EXT1: variants seen among roughly 807,000 people sequenced by gnomAD.
EXT1 encodes the protein exostosin glycosyltransferase 1.
In EXT1, 20 loss-of-function variants were observed where a neutral mutation model predicts 82.5. The observed-to-expected ratio is 0.24, with a 90% CI of 0.17 to 0.35. The LOEUF (loss-of-function observed/expected upper bound fraction) is 0.35. Among genes scored for constraint, EXT1 ranks in the 10% least tolerant of loss-of-function variants. EXT1 has a pLI of 1.00. For synonymous variants in EXT1, 348 were observed against 350.8 expected (o/e 0.99, Z 0.09); for missense variants, 757 against 936.5 (o/e 0.81, Z 2.50).
At chr8:117,869,217 G>A (rs1292323717) in intron 1 of EXT1, among the ~76,000 whole-genome samples, 2 of 152,192 alleles carry the variant, frequency 1.3e-5, no homozygotes, top group African/African-American at 4.8e-5. Context: ...TATCCACCAT[G>A]AGGAAGAATT....
chr8:117,942,010 G>T (rs1050588067), intron 1 of EXT1, among the ~76,000 whole-genome samples: 2 of 152,154 alleles, frequency 1.3e-5, no homozygotes, highest in African/African-American at 4.8e-5. Context: ...AAAGTAAGTT[G>T]TTCAAGGAGT....
chr8:117,961,748 A>G (rs1814704108), intron 1 of EXT1, among the ~76,000 whole-genome samples: 2 of 152,250 alleles, frequency 1.3e-5, no homozygotes, highest in African/African-American at 4.8e-5. Flanking sequence ...GAGAACATTC[A>G]AGAGAAACTT....
At chr8:117,940,629 C>G (rs1814252735) in intron 1 of EXT1, among the ~76,000 whole-genome samples, 1 of 152,138 alleles carries the variant, frequency 6.6e-6, no homozygotes, top group Non-Finnish European at 1.5e-5. Flanking sequence ...AGCCAATCCA[C>G]AGTGATACAA....
intron 1 of EXT1, among the ~76,000 whole-genome samples, chr8:118,064,499 T>C (rs1816941215): frequency 6.6e-6 from 1 of 152,210 alleles, no homozygotes; most frequent in African/African-American, 2.4e-5. Flanking sequence ...CCCTGCAAAG[T>C]ACATGAACTC....
At chr8:118,030,070 T>G (rs1816279414) in intron 1 of EXT1, among the ~76,000 whole-genome samples, 1 of 152,186 alleles carries the variant, frequency 6.6e-6, no homozygotes, top group African/African-American at 2.4e-5. Context: ...GTTGCAAAAG[T>G]ATTTAGCTCT....
intron 1 of EXT1, among the ~76,000 whole-genome samples, chr8:117,876,030 C>T (rs1812963596): frequency 1.3e-5 from 2 of 152,186 alleles, no homozygotes; most frequent in African/African-American, 4.8e-5. Context: ...ATTCTGAGCA[C>T]CTATCCATGC....
At chr8:117,907,780 GGTAA>G (rs1363013832) in intron 1 of EXT1, among the ~76,000 whole-genome samples, 2 of 152,028 alleles carry the variant, frequency 1.3e-5, no homozygotes, top group Admixed American at 1.3e-4. Flanking sequence ...AAAATTAATG[GGTAA>G]GTATTTATCC....
chr8:117,957,290 T>C (rs967350199), intron 1 of EXT1, among the ~76,000 whole-genome samples: 3 of 152,222 alleles, frequency 2.0e-5, no homozygotes, highest in Non-Finnish European at 4.4e-5. Flanking sequence ...AAGCTGAGGA[T>C]TGGTTAAATT....
Position 117,802,005 on chromosome 8 carries a change from T to G in EXT1, c.2056-2108A>C, listed in dbSNP as rs187711423. Among the ~76,000 whole-genome samples the G allele has an allele frequency of 3.1e-3, 465 of 152,348 alleles. 10 individuals carry two copies. The highest frequency in any genetic ancestry group is 5.4e-4 in the Non-Finnish European group (37 of 68,034). On this transcript the variant is annotated intron_variant, in intron 10 of 10. Coordinates refer to ENST00000378204, the MANE Select transcript of EXT1 (RefSeq NM_000127.3). ...TTATTCTGAGTCAACCAACATCTAT[T>G]AGAAAAGATGCCTTTCTTATGTAAT... is the stretch of plus-strand genomic sequence containing the variant.
chr8:117,799,496 C>T lies in EXT1; in HGVS notation c.*216G>A. The T allele has an allele frequency of 1.7e-6, 1 of 591,712 alleles. No individual in the cohort carries two copies. Among genetic ancestry groups the T allele is most frequent in the South Asian group, 2.0e-5 (1 of 49,542 alleles). 36.7% of individuals were successfully genotyped at this position (591,712 alleles called of 1,614,324 possible). A position where few individuals can be genotyped will look rare whatever the true frequency, so the allele number is the denominator to read the frequency against. On this transcript the variant is annotated 3_prime_UTR_variant, in exon 11 of 11. Coordinates refer to ENST00000378204, the MANE Select transcript of EXT1 (RefSeq NM_000127.3). ...CTGTACACAACCTAGTCTTGGGACA[C>T]AGAAGCCAGTGAGGTGAGTTTGGAG...
At position 117,863,154 on chromosome 8, in the gene EXT1, T is replaced by C. The variant is rs1046888861; in HGVS notation, c.963-25953A>G. Among the ~76,000 whole-genome samples the C allele has an allele frequency of 3.4e-5, 5 of 145,878 alleles. No homozygotes were observed. The South Asian group carries it at 8.8e-4, about 26-fold the overall frequency. On this transcript the variant is annotated intron_variant, in intron 1 of 10. Transcript: ENST00000378204. Reference sequence around the variant, plus strand: ...GATGCTATTTTAAACTTTTTACTTATATAACCTTCACTTATTTCTCACAAT... The same window carrying C: ...GATGCTATTTTAAACTTTTTACTTACATAACCTTCACTTATTTCTCACAAT...
intron 1 of EXT1, among the ~76,000 whole-genome samples, chr8:117,949,107 T>C (rs181367979): frequency 8.0e-4 from 122 of 152,314 alleles, no homozygotes; most frequent in African/African-American, 2.9e-3. Context: ...GATAGGTTAA[T>C]GTATCCTTGG....
chr8:117,806,808 A>G (rs1823245320), intron 9 of EXT1, among the ~76,000 whole-genome samples: 1 of 152,240 alleles, frequency 6.6e-6, no homozygotes, highest in Non-Finnish European at 1.5e-5. Flanking sequence ...ATTATTATGT[A>G]GACAGTCTTT....
intron 1 of EXT1, among the ~76,000 whole-genome samples, chr8:118,053,246 C>T (rs1442251420): frequency 1.3e-5 from 2 of 152,124 alleles, no homozygotes; most frequent in South Asian, 2.1e-4. Context: ...GGTTCTAAGC[C>T]CTTTTGTGGT....
intron 1 of EXT1, among the ~76,000 whole-genome samples, chr8:117,919,833 G>C (rs1813822481): frequency 6.6e-6 from 1 of 151,988 alleles, no homozygotes; most frequent in East Asian, 1.9e-4. Flanking sequence ...AATATTCCTG[G>C]TTTAAATTCC....
chr8:117,806,120 T>C lies in EXT1; in HGVS notation c.1883+1097A>G, dbSNP rs866250702. The stretch of plus-strand genomic sequence containing the variant: ...AAAATAATCTGATCACTACTTACCA[T>C]GGCCACCATTCACTTCCTGGTCCCA... On this transcript the variant is annotated intron_variant, in intron 9 of 10. Coordinates refer to ENST00000378204, the MANE Select transcript of EXT1 (RefSeq NM_000127.3). Among the ~76,000 whole-genome samples, 9 of 152,330 alleles carry C rather than the reference T, an allele frequency of 5.9e-5. No individual in the cohort carries two copies. The East Asian group carries it at 7.7e-4, about 13-fold the overall frequency.
Position 117,938,479 on chromosome 8 carries a change from T to A in EXT1, c.963-101278A>T, listed in dbSNP as rs530610145. Among the ~76,000 whole-genome samples the A allele has an allele frequency of 3.3e-5, 5 of 149,918 alleles. No individual in the cohort carries two copies. The East Asian group carries it at 9.7e-4, about 29-fold the overall frequency. ...TCCAACTCAAAAATAATAACAATAA[T>A]AATAATAATAAACAAAATTTAAAAT... On this transcript the variant is annotated intron_variant, in intron 1 of 10. Coordinates refer to ENST00000378204, the MANE Select transcript of EXT1 (RefSeq NM_000127.3).
chr8:118,081,785 CCTACCA>C (rs1817336086), intron 1 of EXT1, among the ~76,000 whole-genome samples: 1 of 152,162 alleles, frequency 6.6e-6, no homozygotes. Context: ...CAGAAGCCCT[CCTACCA>C]CTAATGTATT....
At chr8:117,939,445 T>G in intron 1 of EXT1, among the ~76,000 whole-genome samples, 1 of 151,588 alleles carries the variant, frequency 6.6e-6, no homozygotes, top group Non-Finnish European at 1.5e-5. Flanking sequence ...GGTGCGCGCC[T>G]GTAATCCCAG....
Sources: gnomAD v4.1 joint callset for allele counts (sites outside exome capture counted in the v4.1 genomes callset) on GRCh38, gnomAD v4.1.1 for gene constraint, MANE v1.5 for transcripts, NCBI Gene and HGNC (gene_info 2026-07-23, HGNC 2026-07-21) for gene names.